MACO1: variants seen among roughly 807,000 people sequenced by gnomAD.
MACO1 encodes the protein macoilin.
Under a neutral mutation model 78.7 loss-of-function variants are expected in MACO1, and 14 were observed. The ratio of observed to expected loss-of-function variants is 0.18; its 90% CI spans 0.12 to 0.28. The LOEUF (loss-of-function observed/expected upper bound fraction) is 0.28, where lower values mean the gene tolerates loss of function less well. Among genes scored for constraint, MACO1 ranks in the 10% least tolerant of loss-of-function variants. The pLI is 1.00. For missense variants in MACO1, 501 were observed against 799.0 expected, an observed-to-expected ratio of 0.63 and a Z score of 4.50; for synonymous variants, 288 against 291.6, an observed-to-expected ratio of 0.99 and a Z score of 0.12.
intron 1 of MACO1, among the ~76,000 whole-genome samples, chr1:25,436,334 T>C (rs961815066): frequency 1.3e-5 from 2 of 152,184 alleles, no homozygotes; most frequent in Non-Finnish European, 2.9e-5. Context: ...GTTTTATCTG[T>C]TTCTAGGCTA....
At chr1:25,446,227 G>T (rs979435668) in intron 1 of MACO1, among the ~76,000 whole-genome samples, 2 of 152,084 alleles carry the variant, frequency 1.3e-5, no homozygotes, top group Non-Finnish European at 2.9e-5. Flanking sequence ...AAGTCATTTG[G>T]TTTTTGTTTG....
intron 6 of MACO1, among the ~76,000 whole-genome samples, chr1:25,478,894 C>T (rs577529364): frequency 6.6e-6 from 1 of 152,294 alleles, no homozygotes; most frequent in South Asian, 2.1e-4. Flanking sequence ...GAAGGAAGTG[C>T]ATTTATTTCC....
intron 10 of MACO1, 127 bp from the exon 11 acceptor site, chr1:25,498,137 T>C: frequency 3.4e-6 from 3 of 878,414 alleles, no homozygotes; most frequent in Non-Finnish European, 5.3e-6. Context: ...CAAGTTTGCC[T>C]GCTCTTATAA....
intron 5 of MACO1, among the ~76,000 whole-genome samples, chr1:25,458,039 C>T (rs1026106032): frequency 2.0e-5 from 3 of 152,174 alleles, no homozygotes; most frequent in Non-Finnish European, 4.4e-5. Flanking sequence ...CTGCCTTTGT[C>T]CTCTCACCTC....
chr1:25,442,660 T>C (rs1248094419), intron 1 of MACO1, among the ~76,000 whole-genome samples: 6 of 152,184 alleles, frequency 3.9e-5, no homozygotes, highest in Non-Finnish European at 5.9e-5. Flanking sequence ...AGAGTACTGC[T>C]AAATGGATTG....
chr1:25,482,360 C>T (rs1557674000), intron 6 of MACO1, among the ~76,000 whole-genome samples: 1 of 152,166 alleles, frequency 6.6e-6, no homozygotes, highest in Admixed American at 6.5e-5. Flanking sequence ...CTGCAGCTCA[C>T]ATGGCAGCCA....
intron 6 of MACO1, among the ~76,000 whole-genome samples, 191 bp downstream of exon 6, chr1:25,459,083 T>C (rs960537869): frequency 2.6e-5 from 4 of 152,230 alleles, no homozygotes; most frequent in Non-Finnish European, 4.4e-5. Context: ...CTTTGCAGTG[T>C]TCTGAATAAT....
intron 6 of MACO1, among the ~76,000 whole-genome samples, chr1:25,460,026 A>AGGCATTTAGCCC (rs1452346575): frequency 6.6e-6 from 1 of 152,118 alleles, no homozygotes; most frequent in East Asian, 1.9e-4. Context: ...CAGTCCGTTT[A>AGGCATTTAGCCC]TTCTAGGAGG....
chr1:25,495,206 A>G (rs1160694734), intron 10 of MACO1, among the ~76,000 whole-genome samples: 2 of 152,186 alleles, frequency 1.3e-5, no homozygotes, highest in Non-Finnish European at 2.9e-5. Context: ...GGCGTGAAGC[A>G]GCACCTGGCC....
intron 5 of MACO1, among the ~76,000 whole-genome samples, chr1:25,457,215 CCCT>C (rs2043129567): frequency 6.6e-6 from 1 of 151,926 alleles, no homozygotes; most frequent in African/African-American, 2.4e-5. Context: ...AAGTAATCCT[CCCT>C]CCTCAGCCTC....
chr1:25,447,847 A>T (rs1303319509), intron 2 of MACO1, among the ~76,000 whole-genome samples: 1 of 152,160 alleles, frequency 6.6e-6, no homozygotes, highest in Non-Finnish European at 1.5e-5. Context: ...TCCCTTGATT[A>T]ATGTGTTAAT....
At chr1:25,431,237 A>T in intron 1 of MACO1, 59 bp downstream of exon 1, 1 of 1,383,330 alleles carries the variant, frequency 7.2e-7, no homozygotes, top group Non-Finnish European at 9.9e-7. Context: ...TCCAGCTCCG[A>T]GGGGCCTGGC....
chr1:25,475,858 TTG>T (rs1469381564), intron 6 of MACO1, among the ~76,000 whole-genome samples: 1 of 152,224 alleles, frequency 6.6e-6, no homozygotes, highest in Non-Finnish European at 1.5e-5. Flanking sequence ...TATGTATGTT[TTG>T]TAGCTTTTAT....
At chr1:25,449,064 GT>G (rs2043041252) in intron 3 of MACO1, 130 bp downstream of exon 3, 1 of 712,048 alleles carries the variant, frequency 1.4e-6, no homozygotes, top group African/African-American at 1.8e-5. Context: ...TTCTTAATAG[GT>G]TATAATATAC....
At chr1:25,448,280 T>C (rs2043033227) in intron 2 of MACO1, among the ~76,000 whole-genome samples, 1 of 152,100 alleles carries the variant, frequency 6.6e-6, no homozygotes. Context: ...CTAGCTAACA[T>C]GGTGAAACCC....
chr1:25,446,953 T>C (rs1217779624), intron 2 of MACO1, 50 bp downstream of exon 2: 2 of 1,575,994 alleles, frequency 1.3e-6, no homozygotes, highest in Admixed American at 1.8e-5. Flanking sequence ...TTCAGCTGTT[T>C]AGAGTAGATG....
chr1:25,461,132 G>A (rs1157297503), intron 6 of MACO1, among the ~76,000 whole-genome samples: 1 of 144,464 alleles, frequency 6.9e-6, no homozygotes, highest in Non-Finnish European at 1.5e-5. Context: ...AACACCACAT[G>A]TTTTCACTCA....
chr1:25,474,194 T>TA (rs2043299446), intron 6 of MACO1, among the ~76,000 whole-genome samples: 1 of 152,216 alleles, frequency 6.6e-6, no homozygotes, highest in Non-Finnish European at 1.5e-5. Flanking sequence ...AGTCTTCTGA[T>TA]ACTTTGGGGA....
chr1:25,473,927 A>G (rs768696756), intron 6 of MACO1, among the ~76,000 whole-genome samples: 3 of 152,208 alleles, frequency 2.0e-5, no homozygotes, highest in Admixed American at 6.5e-5. Flanking sequence ...GAGTGTTCCA[A>G]TAGATTCAAA....
Sources: gnomAD v4.1 joint callset for allele counts (sites outside exome capture counted in the v4.1 genomes callset) on GRCh38, gnomAD v4.1.1 for gene constraint, MANE v1.5 for transcripts, NCBI Gene and HGNC (gene_info 2026-07-23, HGNC 2026-07-21) for gene names.